The following ARHGAP15 variants were observed in gnomAD, a reference collection of about 807,000 sequenced individuals.
ARHGAP15 encodes Rho GTPase activating protein 15, also known as rho GTPase-activating protein 15.
Under a neutral mutation model 63.7 loss-of-function variants are expected in ARHGAP15, and 51 were observed. That is an observed-to-expected ratio of 0.80 (90% CI 0.64 to 1.01). The LOEUF is 1.01. Ranked by LOEUF, ARHGAP15 falls within the 50% of genes least tolerant of loss-of-function variation. ARHGAP15 has a pLI of 0.00. For synonymous variants in ARHGAP15, 191 were observed against 193.8 expected, an observed-to-expected ratio of 0.99 and a Z score of 0.12; for missense variants, 560 against 564.6, an observed-to-expected ratio of 0.99 and a Z score of 0.08.
At chr2:143,487,306 A>G in intron 8 of ARHGAP15, 67 bp from the exon 9 acceptor site, 1 of 1,535,872 alleles carries the variant, frequency 6.5e-7, no homozygotes, top group Admixed American at 2.1e-5. Context: ...TTCTATTCAG[A>G]TTTGCATAAA....
At chr2:143,607,605 C>G (rs1447741173) in intron 11 of ARHGAP15, 6 of 151,384 alleles carry the variant, frequency 4.0e-5, no homozygotes, top group Non-Finnish European at 8.8e-5. Flanking sequence ...TTGTGAATTG[C>G]AAAGCTTCAG....
intron 8 of ARHGAP15, among the ~76,000 whole-genome samples, chr2:143,462,059 C>A (rs1205808016): frequency 2.0e-5 from 3 of 152,024 alleles, no homozygotes; most frequent in Non-Finnish European, 4.4e-5. Context: ...ACTCAGGAGG[C>A]TGAGGTGGGA....
intron 1 of ARHGAP15, among the ~76,000 whole-genome samples, chr2:143,143,624 C>G (rs1394172220): frequency 6.8e-6 from 1 of 147,474 alleles, no homozygotes; most frequent in Non-Finnish European, 1.5e-5. Flanking sequence ...GCTAAATCAT[C>G]CACCGCTGGA....
At chr2:143,584,074 T>C (rs936622222) in intron 11 of ARHGAP15, among the ~76,000 whole-genome samples, 10 of 152,190 alleles carry the variant, frequency 6.6e-5, no homozygotes, top group African/African-American at 1.9e-4. Context: ...ACCATTCATG[T>C]TTTTTGAACT....
intron 6 of ARHGAP15, among the ~76,000 whole-genome samples, chr2:143,325,287 C>A (rs998231606): frequency 2.6e-5 from 4 of 152,112 alleles, no homozygotes; most frequent in African/African-American, 9.7e-5. Context: ...TAGTTCAGAG[C>A]ATTTCTTCAA....
At chr2:143,140,838 G>A (rs1192528540) in intron 1 of ARHGAP15, among the ~76,000 whole-genome samples, 1 of 152,170 alleles carries the variant, frequency 6.6e-6, no homozygotes, top group African/African-American at 2.4e-5. Flanking sequence ...GGGAACCCAC[G>A]TGCTGACAAA....
chr2:143,379,811 AAAAGT>A (rs746661701), intron 6 of ARHGAP15, among the ~76,000 whole-genome samples: 42 of 152,094 alleles, frequency 2.8e-4, no homozygotes, highest in Middle Eastern at 3.4e-3. Flanking sequence ...TTTTCAAAGA[AAAAGT>A]AAAGGAAACA....
At chr2:143,614,222 T>C (rs1030200411) in intron 11 of ARHGAP15, among the ~76,000 whole-genome samples, 4 of 152,216 alleles carry the variant, frequency 2.6e-5, no homozygotes, top group Non-Finnish European at 5.9e-5. Context: ...AGATGAAGCT[T>C]GATGCTAATC....
intron 12 of ARHGAP15, among the ~76,000 whole-genome samples, chr2:143,640,144 G>A (rs1448378498): frequency 6.6e-6 from 1 of 152,092 alleles, no homozygotes; most frequent in Non-Finnish European, 1.5e-5. Context: ...CTTCTCTGGA[G>A]TAGGAGACAT....
intron 4 of ARHGAP15, among the ~76,000 whole-genome samples, chr2:143,218,824 G>T (rs188409786): frequency 3.4e-4 from 52 of 152,212 alleles, no homozygotes; most frequent in Admixed American, 8.5e-4. Flanking sequence ...ATGTTGCTGT[G>T]CTGAATACTG....
intron 10 of ARHGAP15, among the ~76,000 whole-genome samples, chr2:143,534,686 C>T (rs1182277848): frequency 6.6e-6 from 1 of 152,000 alleles, no homozygotes; most frequent in Non-Finnish European, 1.5e-5. Context: ...CGAGATCAAC[C>T]TGGGCAACAT....
At chr2:143,346,152 G>A (rs910867757) in intron 6 of ARHGAP15, among the ~76,000 whole-genome samples, 1 of 132,886 alleles carries the variant, frequency 7.5e-6, no homozygotes, top group African/African-American at 3.0e-5. Context: ...CTGTACAAAT[G>A]AGCACACACA....
At chr2:143,283,968 A>C (rs535537914) in intron 6 of ARHGAP15, among the ~76,000 whole-genome samples, 4 of 152,056 alleles carry the variant, frequency 2.6e-5, no homozygotes, top group African/African-American at 9.6e-5. Flanking sequence ...TCATCTAAGC[A>C]CCAGTCATTT....
At chr2:143,207,495 A>AAC (rs70982851) in intron 3 of ARHGAP15, among the ~76,000 whole-genome samples, 6,431 of 145,798 alleles carry the variant, frequency 0.044, 245 homozygotes, top group African/African-American at 0.11. Context: ...CACACACATA[A>AAC]ACACACACAC....
intron 12 of ARHGAP15, among the ~76,000 whole-genome samples, chr2:143,637,604 T>C (rs895623652): frequency 6.6e-6 from 1 of 152,080 alleles, no homozygotes; most frequent in Non-Finnish European, 1.5e-5. Context: ...GCAGTTTGTC[T>C]TCCAAGTCCA....
At chr2:143,466,857 T>C (rs1050435754) in intron 8 of ARHGAP15, among the ~76,000 whole-genome samples, 3 of 152,102 alleles carry the variant, frequency 2.0e-5, no homozygotes, top group African/African-American at 7.2e-5. Context: ...ATTACAATTA[T>C]TGTTGCATCT....
intron 2 of ARHGAP15, among the ~76,000 whole-genome samples, chr2:143,199,435 A>G (rs1365912049): frequency 2.0e-5 from 3 of 152,124 alleles, no homozygotes; most frequent in Non-Finnish European, 4.4e-5. Context: ...ATTCCACAAT[A>G]AAAATTTAGC....
intron 12 of ARHGAP15, among the ~76,000 whole-genome samples, chr2:143,653,215 C>T (rs1487929656): frequency 6.6e-6 from 1 of 151,988 alleles, no homozygotes; most frequent in African/African-American, 2.4e-5. Context: ...AACTACATTC[C>T]CAGTACAAAC....
chr2:143,605,650 A>T (rs1044767171), intron 11 of ARHGAP15, among the ~76,000 whole-genome samples: 4 of 151,922 alleles, frequency 2.6e-5, no homozygotes, highest in Non-Finnish European at 5.9e-5. Context: ...ATTTAAAGTA[A>T]GAAATTTTTG....
Sources: gnomAD v4.1 joint callset for allele counts (sites outside exome capture counted in the v4.1 genomes callset) on GRCh38, gnomAD v4.1.1 for gene constraint, MANE v1.5 for transcripts, NCBI Gene and HGNC (gene_info 2026-07-23, HGNC 2026-07-21) for gene names.